Variants in KPNA6 observed in about 807,000 individuals in gnomAD.
The protein encoded by KPNA6 is karyopherin subunit alpha 6.
In KPNA6, 9 loss-of-function variants were observed where a neutral mutation model predicts 72.0. The observed-to-expected ratio is 0.13, with a 90% CI of 0.08 to 0.22. KPNA6 has a LOEUF of 0.22. Ranked by LOEUF, KPNA6 falls within the 10% of genes least tolerant of loss-of-function variation. The pLI, the probability that KPNA6 is intolerant of heterozygous loss-of-function variation, is 1.00. For missense variants in KPNA6, 374 were observed against 655.7 expected (o/e 0.57, Z 4.69); for synonymous variants, 219 against 242.1 (o/e 0.90, Z 0.89).
At chr1:32,125,084 A>G (rs893708466) in intron 1 of KPNA6, among the ~76,000 whole-genome samples, 7 of 151,930 alleles carry the variant, frequency 4.6e-5, no homozygotes, top group South Asian at 2.1e-4. Flanking sequence ...AGCTCAGGCA[A>G]TCCACCCGCC....
chr1:32,166,044 CAT>C (rs748022661), intron 10 of KPNA6, 59 bp from the exon 11 acceptor site: 39 of 1,466,600 alleles, frequency 2.7e-5, no homozygotes, highest in Middle Eastern at 3.6e-4. Flanking sequence ...AACAAAAAAA[CAT>C]AAAAAAAATT....
At chr1:32,138,531 G>C (rs964749842) in intron 1 of KPNA6, among the ~76,000 whole-genome samples, 1 of 118,718 alleles carries the variant, frequency 8.4e-6, no homozygotes, top group Non-Finnish European at 1.7e-5. Flanking sequence ...CAACAAGAGC[G>C]AAACTCCATC....
intron 11 of KPNA6, 54 bp from the exon 12 acceptor site, chr1:32,167,115 A>G: frequency 2.5e-6 from 4 of 1,596,946 alleles, no homozygotes; most frequent in Non-Finnish European, 3.4e-6. Context: ...AGATTTATTT[A>G]TCATGCTGAA....
chr1:32,108,071 A>AGCTGCCGCTGAAGCT lies in KPNA6; in HGVS notation c.-57_-43dup, dbSNP rs1553124266. 7 of 1,613,304 alleles carry AGCTGCCGCTGAAGCT rather than the reference A, an allele frequency of 4.3e-6. No homozygotes were observed. The African/African-American group carries it at 9.3e-5, about 22-fold the overall frequency. ...CAGATCCGCCATATTGTCTACTGAA[A>AGCTGCCGCTGAAGCT]GCTGCCGCTGAAGCTGCCGCCGTTG... is the stretch of plus-strand genomic sequence containing the variant. On this transcript the variant is annotated 5_prime_UTR_variant, in exon 1 of 14. Transcript: ENST00000373625.
chr1:32,147,497 T>C (rs1006503362), intron 1 of KPNA6, among the ~76,000 whole-genome samples: 10 of 151,852 alleles, frequency 6.6e-5, no homozygotes, highest in Admixed American at 1.3e-4. Context: ...AGGGTCTTGC[T>C]CTGTTTCCCA....
intron 2 of KPNA6, 82 bp downstream of exon 2, chr1:32,154,803 G>A: frequency 6.8e-7 from 1 of 1,480,018 alleles, no homozygotes; most frequent in Non-Finnish European, 9.3e-7. Context: ...ACCCTGACTT[G>A]CCCTGTAGAA....
chr1:32,117,478 GT>G (rs763949374), intron 1 of KPNA6, among the ~76,000 whole-genome samples: 52 of 140,624 alleles, frequency 3.7e-4, no homozygotes, highest in Non-Finnish European at 3.7e-4. Flanking sequence ...GGCCCAATTT[GT>G]TTTTTTTTTT....
chr1:32,170,188 G>A lies in KPNA6; in HGVS notation c.1423+128G>A, dbSNP rs967513157. ...TAGCTTCCATGAGACTGATGTCTGT[G>A]TCTTCAGAACAGTTAAGAGCTCCTG... On this transcript the variant is annotated intron_variant, in intron 13 of 13. Transcript: ENST00000373625. The A allele has an allele frequency of 7.5e-6, 6 of 802,658 alleles. No homozygotes were observed. The African/African-American group carries it at 1.0e-4, about 14-fold the overall frequency. 49.7% of individuals were successfully genotyped at this position (802,658 alleles called of 1,614,324 possible).
At chr1:32,138,817 A>G (rs1351827300) in intron 1 of KPNA6, among the ~76,000 whole-genome samples, 1 of 152,184 alleles carries the variant, frequency 6.6e-6, no homozygotes, top group African/African-American at 2.4e-5. Flanking sequence ...AGCTGAATGC[A>G]ATGACTACTG....
intron 1 of KPNA6, among the ~76,000 whole-genome samples, chr1:32,137,296 C>G (rs1028394920): frequency 6.6e-6 from 1 of 152,144 alleles, no homozygotes; most frequent in African/African-American, 2.4e-5. Flanking sequence ...AGCTCAGCCT[C>G]CCGAGTTGCT....
intron 1 of KPNA6, among the ~76,000 whole-genome samples, chr1:32,150,777 C>T (rs1446618612): frequency 6.6e-6 from 1 of 152,116 alleles, no homozygotes; most frequent in Non-Finnish European, 1.5e-5. Context: ...CAGGTGCGTG[C>T]CACCAAGCTC....
At chr1:32,138,530 C>T (rs1641781556) in intron 1 of KPNA6, among the ~76,000 whole-genome samples, 2 of 124,084 alleles carry the variant, frequency 1.6e-5, no homozygotes, top group South Asian at 4.9e-4. Flanking sequence ...GCAACAAGAG[C>T]GAAACTCCAT....
rs186093589 is a variant in KPNA6, at chr1:32,171,341, G to A, written c.*447G>A. Reference sequence around the variant, plus strand: ...TGTAACTCTTATCTTGGGTACTTGAGCAGACGGTATATTCCAGAGGTGGGA... The same window carrying A: ...TGTAACTCTTATCTTGGGTACTTGAACAGACGGTATATTCCAGAGGTGGGA... On this transcript the variant is annotated 3_prime_UTR_variant, in exon 14 of 14. Transcript: ENST00000373625. 136 of 155,644 alleles carry A rather than the reference G, an allele frequency of 8.7e-4. No individual in the cohort carries two copies. The highest frequency in any genetic ancestry group is 1.1e-3 in the Non-Finnish European group (76 of 70,314). The allele number at this position is 155,644 out of a possible 1,614,324, so 9.6% of individuals were successfully genotyped here. A position where few individuals can be genotyped will look rare whatever the true frequency, so the allele number is the denominator to read the frequency against.
intron 2 of KPNA6, 100 bp from the exon 3 acceptor site, chr1:32,156,753 C>CAT: frequency 2.4e-6 from 2 of 846,112 alleles, no homozygotes; most frequent in East Asian, 5.1e-5. Context: ...CTCAGCTACT[C>CAT]TAGTATATCC....
chr1:32,143,723 CT>C (rs1344636777), intron 1 of KPNA6, among the ~76,000 whole-genome samples: 1 of 152,090 alleles, frequency 6.6e-6, no homozygotes, highest in Non-Finnish European at 1.5e-5. Flanking sequence ...TTTACTACCC[CT>C]AACAGAAATT....
intron 5 of KPNA6, 59 bp from the exon 6 acceptor site, chr1:32,159,341 A>G (rs1191554118): frequency 3.8e-6 from 6 of 1,577,040 alleles, no homozygotes; most frequent in Non-Finnish European, 5.2e-6. Flanking sequence ...GAGCCAGCTG[A>G]TAGGCATGGC....
chr1:32,132,881 C>T (rs577652703), intron 1 of KPNA6, among the ~76,000 whole-genome samples: 27 of 151,674 alleles, frequency 1.8e-4, no homozygotes, highest in East Asian at 1.4e-3. Context: ...CCAGCCTGGG[C>T]GACAGAGCGA....
At chr1:32,168,098 G>T (rs1217920171) in intron 12 of KPNA6, among the ~76,000 whole-genome samples, 1 of 152,164 alleles carries the variant, frequency 6.6e-6, no homozygotes. Flanking sequence ...AGCCCAGGAG[G>T]TCACAGTTGT....
intron 12 of KPNA6, among the ~76,000 whole-genome samples, chr1:32,168,952 T>C (rs1337860093): frequency 6.6e-6 from 1 of 152,108 alleles, no homozygotes; most frequent in Non-Finnish European, 1.5e-5. Flanking sequence ...AAGGAGACAT[T>C]AGAGGCAAGG....
Sources: gnomAD v4.1 joint callset for allele counts (sites outside exome capture counted in the v4.1 genomes callset) on GRCh38, gnomAD v4.1.1 for gene constraint, MANE v1.5 for transcripts, NCBI Gene and HGNC (gene_info 2026-07-23, HGNC 2026-07-21) for gene names.